The following POU6F2 variants were observed in gnomAD, a reference collection of about 807,000 sequenced individuals.
The protein encoded by POU6F2 is POU class 6 homeobox 2, also known as POU domain, class 6, transcription factor 2.
A neutral mutation model predicts 71.3 loss-of-function variants in POU6F2; 31 were observed. The ratio of observed to expected loss-of-function variants is 0.43; its 90% CI spans 0.33 to 0.59. POU6F2 has a LOEUF of 0.59. POU6F2 is among the 20% of genes least tolerant of loss of function. The pLI, the probability that POU6F2 is intolerant of heterozygous loss-of-function variation, is 0.04. For synonymous variants in POU6F2, 347 were observed against 355.7 expected (o/e 0.98, Z 0.27); for missense variants, 783 against 856.8 (o/e 0.91, Z 1.07).
intron 2 of POU6F2, among the ~76,000 whole-genome samples, chr7:39,156,702 G>A (rs183506141): frequency 6.6e-6 from 1 of 151,468 alleles, no homozygotes; most frequent in Non-Finnish European, 1.5e-5. Context: ...CAAAATTAAG[G>A]TATAGAGAAG....
At chr7:39,153,115 C>T (rs1366706254) in intron 2 of POU6F2, among the ~76,000 whole-genome samples, 3 of 151,978 alleles carry the variant, frequency 2.0e-5, no homozygotes, top group East Asian at 3.9e-4. Context: ...CGGTGATGTG[C>T]GTTGGACAAA....
intron 4 of POU6F2, among the ~76,000 whole-genome samples, chr7:39,331,542 C>G (rs1725528379): frequency 6.6e-6 from 1 of 152,122 alleles, no homozygotes; most frequent in Admixed American, 6.5e-5. Flanking sequence ...GAGTCTCGCT[C>G]TGTCACTCTG....
intron 2 of POU6F2, among the ~76,000 whole-genome samples, chr7:39,178,695 G>A (rs180901702): frequency 6.6e-6 from 1 of 152,226 alleles, no homozygotes; most frequent in Admixed American, 6.5e-5. Flanking sequence ...CAAGTTCAGA[G>A]ACAGCAAAGC....
At chr7:38,981,581 T>A (rs1388984392) in intron 1 of POU6F2, among the ~76,000 whole-genome samples, 1 of 152,186 alleles carries the variant, frequency 6.6e-6, no homozygotes, top group Non-Finnish European at 1.5e-5. Flanking sequence ...TCTAAGAGTT[T>A]GCTGGGAGTG....
intron 1 of POU6F2, among the ~76,000 whole-genome samples, chr7:39,084,896 C>T (rs1017830238): frequency 1.3e-5 from 2 of 152,098 alleles, no homozygotes; most frequent in Admixed American, 6.5e-5. Flanking sequence ...TTTCCTTCTG[C>T]ATCCGATATT....
intron 2 of POU6F2, among the ~76,000 whole-genome samples, chr7:39,115,450 C>T (rs1006683806): frequency 2.6e-5 from 4 of 152,130 alleles, no homozygotes; most frequent in Non-Finnish European, 5.9e-5. Context: ...TCTCAGGAGT[C>T]CCTTCTTGCT....
chr7:39,066,062 C>T (rs370053115), intron 1 of POU6F2, among the ~76,000 whole-genome samples: 1 of 151,724 alleles, frequency 6.6e-6, no homozygotes, highest in Non-Finnish European at 1.5e-5. Context: ...AACCCAAATT[C>T]GGCTTGACAG....
chr7:39,358,957 G>A (rs1786320376), intron 5 of POU6F2, among the ~76,000 whole-genome samples: 1 of 151,068 alleles, frequency 6.6e-6, no homozygotes, highest in African/African-American at 2.4e-5. Context: ...ATAAAGAAAA[G>A]TTAAAATGTC....
intron 2 of POU6F2, among the ~76,000 whole-genome samples, chr7:39,110,187 C>A (rs1385754916): frequency 6.7e-6 from 1 of 149,700 alleles, no homozygotes; most frequent in Non-Finnish European, 1.5e-5. Context: ...AGGAGAATCA[C>A]TTGAACCTGG....
intron 1 of POU6F2, among the ~76,000 whole-genome samples, chr7:39,004,167 G>A (rs1225652529): frequency 6.6e-6 from 1 of 152,170 alleles, no homozygotes; most frequent in African/African-American, 2.4e-5. Flanking sequence ...TTCACCCAGT[G>A]CCTTAAGGAA....
rs1790037978 is a variant in POU6F2 at position 39,035,478 on chromosome 7, G to A, written c.106-50382G>A. ...AAAATATTCTGGGGAAGTCTATGAA[G>A]GACTCTTCTTTTGGTGTATCCCACA... On this transcript the variant is annotated intron_variant, in intron 1 of 9. Transcript: ENST00000518318. 2.0e-5 allele frequency among the ~76,000 whole-genome samples: 3 copies of A among 152,272 alleles called. No individual in the cohort carries two copies. In the South Asian group the frequency reaches 6.2e-4, roughly 32 times the overall value.
At chr7:39,258,969 A>G (rs1223203228) in intron 4 of POU6F2, among the ~76,000 whole-genome samples, 12 of 152,122 alleles carry the variant, frequency 7.9e-5, no homozygotes. Context: ...ATTGCACCTA[A>G]TTTTTTTCTT....
intron 1 of POU6F2, among the ~76,000 whole-genome samples, chr7:38,979,395 T>A (rs1197346129): frequency 6.6e-6 from 1 of 152,190 alleles, no homozygotes; most frequent in Admixed American, 6.5e-5. Context: ...TCATAATGTA[T>A]TTTTAGATGG....
chr7:39,139,193 T>G (rs1347095676), intron 2 of POU6F2, among the ~76,000 whole-genome samples: 2 of 152,206 alleles, frequency 1.3e-5, no homozygotes, highest in Non-Finnish European at 2.9e-5. Flanking sequence ...TGCTGAAAGG[T>G]ATGCTCACTG....
chr7:39,008,036 A>G (rs1349018210), intron 1 of POU6F2, among the ~76,000 whole-genome samples: 2 of 139,716 alleles, frequency 1.4e-5, no homozygotes, highest in Non-Finnish European at 3.1e-5. Context: ...CTTTGGGTAT[A>G]TACCCAGTAA....
In POU6F2 at chr7:39,158,193, T is replaced by C. The variant is rs188286076; in HGVS notation, c.278-46042T>C. Among the ~76,000 whole-genome samples, 19 of 152,334 alleles carry C rather than the reference T, an allele frequency of 1.2e-4. 2 individuals are homozygous for C. The East Asian group carries it at 3.3e-3, about 26-fold the overall frequency. ...GTAAGCACAAAACATAGTATGTTGC[T>C]CATAGTACTCAATAATTATTAGTAA... On this transcript the variant is annotated intron_variant, in intron 2 of 9. Coordinates refer to ENST00000518318, the MANE Select transcript of POU6F2 (RefSeq NM_001370959.1).
At chr7:39,229,343 T>C (rs1276447134) in intron 4 of POU6F2, among the ~76,000 whole-genome samples, 3 of 152,216 alleles carry the variant, frequency 2.0e-5, no homozygotes, top group Non-Finnish European at 4.4e-5. Flanking sequence ...CCTCGGACTT[T>C]CCTTTGCCCT....
chr7:39,244,445 A>G (rs747847285), intron 4 of POU6F2, among the ~76,000 whole-genome samples: 19 of 152,312 alleles, frequency 1.2e-4, no homozygotes, highest in Non-Finnish European at 2.1e-4. Context: ...TTCCTCTTCT[A>G]TAAAGCAGGA....
chr7:39,003,143 AAGATG>A (rs1788960616), intron 1 of POU6F2, among the ~76,000 whole-genome samples: 1 of 152,366 alleles, frequency 6.6e-6, no homozygotes, highest in African/African-American at 2.4e-5. Flanking sequence ...ATAATACAGA[AAGATG>A]AGATGCATAT....
Sources: gnomAD v4.1 joint callset for allele counts (sites outside exome capture counted in the v4.1 genomes callset) on GRCh38, gnomAD v4.1.1 for gene constraint, MANE v1.5 for transcripts, NCBI Gene and HGNC (gene_info 2026-07-23, HGNC 2026-07-21) for gene names.